Variants in ANKRD55 observed in about 807,000 individuals in gnomAD.
ANKRD55 encodes the protein ankyrin repeat domain-containing protein 55.
ANKRD55 carries 41 observed loss-of-function variants against 60.6 expected under a neutral mutation model. The observed-to-expected ratio is 0.68, with a 90% confidence interval of 0.53 to 0.88. ANKRD55 has a LOEUF of 0.88. ANKRD55 is among the 40% of genes least tolerant of loss of function. The pLI is 0.00. For missense variants in ANKRD55, 732 were observed against 767.6 expected, an observed-to-expected ratio of 0.95 and a Z score of 0.55; for synonymous variants, 264 against 290.3, an observed-to-expected ratio of 0.91 and a Z score of 0.92.
chr5:56,178,601 A>G (rs1758788377), intron 3 of ANKRD55, among the ~76,000 whole-genome samples: 1 of 152,174 alleles, frequency 6.6e-6, no homozygotes, highest in South Asian at 2.1e-4. Flanking sequence ...TAGGAAAAGT[A>G]ACAAAAAACA....
chr5:56,186,137 C>T (rs1758968306), intron 2 of ANKRD55, among the ~76,000 whole-genome samples: 1 of 152,020 alleles, frequency 6.6e-6, no homozygotes. Flanking sequence ...TGGACCGTCC[C>T]CTCTCCAGGC....
chr5:56,165,848 G>C (rs1444128563), intron 5 of ANKRD55, among the ~76,000 whole-genome samples: 1 of 152,140 alleles, frequency 6.6e-6, no homozygotes, highest in Non-Finnish European at 1.5e-5. Context: ...AGAATTGCTT[G>C]AACCCAGGAG....
chr5:56,166,158 T>TTTCTTTCTTTCTTTCTTCTTTCC (rs1554040812), intron 5 of ANKRD55, among the ~76,000 whole-genome samples: 45 of 72,216 alleles, frequency 6.2e-4, no homozygotes, highest in East Asian at 3.2e-3. Context: ...TTCTTTCTTC[T>TTTCTTTCTTTCTTTCTTCTTTCC]TTCCTTCCTT....
chr5:56,181,635 G>A (rs1294933392), intron 3 of ANKRD55, among the ~76,000 whole-genome samples: 2 of 152,170 alleles, frequency 1.3e-5, no homozygotes, highest in African/African-American at 4.8e-5. Context: ...CTGTCACCCA[G>A]GCTGAAGTGC....
intron 6 of ANKRD55, among the ~76,000 whole-genome samples, chr5:56,144,900 A>C (rs1278512788): frequency 6.6e-6 from 1 of 152,174 alleles, no homozygotes; most frequent in Admixed American, 6.5e-5. Flanking sequence ...AATTCCATGA[A>C]ATGTATCTAG....
At chr5:56,188,369 CA>C (rs58369527) in intron 2 of ANKRD55, among the ~76,000 whole-genome samples, 41 of 148,584 alleles carry the variant, frequency 2.8e-4, no homozygotes, top group African/African-American at 1.0e-3. Flanking sequence ...CCCCTACAAC[CA>C]AAAAAAAAGA....
At chr5:56,207,599 A>G (rs1355261678) in intron 2 of ANKRD55, among the ~76,000 whole-genome samples, 2 of 152,240 alleles carry the variant, frequency 1.3e-5, no homozygotes, top group African/African-American at 4.8e-5. Flanking sequence ...ACAGCATGTT[A>G]CTGTACTGAA....
rs564090416 is a variant in ANKRD55, at chr5:56,170,721, T to C, written c.395A>G (p.His132Arg). 4 of 1,614,194 alleles carry C rather than the reference T, an allele frequency of 2.5e-6. No individual in the cohort carries two copies. Among genetic ancestry groups the C allele is most frequent in the Admixed American group, 1.7e-5 (1 of 60,018 alleles). Residue 132 changes from histidine to arginine, a missense_variant, in exon 5 of 12, where the codon CAT becomes CGT. By Grantham distance (29) the His-to-Arg change is conservative. Transcript: ENST00000341048. The stretch of plus-strand genomic sequence containing the variant: ...CATATCGGGCTCAGCAGTGGCAGCA[T>C]GCAGTGGCAGGCGGCCATTTTTATC... ...IPDKNGRLPL[H>R]AATAEPDMRL...
intron 7 of ANKRD55, among the ~76,000 whole-genome samples, chr5:56,143,088 G>A (rs2111758661): frequency 6.6e-6 from 1 of 152,318 alleles, no homozygotes; most frequent in Non-Finnish European, 1.5e-5. Context: ...TCAGACAGGT[G>A]CCCTTTCTGG....
intron 2 of ANKRD55, chr5:56,193,152 T>C (rs1759142043): frequency 4.3e-6 from 3 of 689,912 alleles, no homozygotes; most frequent in Non-Finnish European, 7.2e-6. Flanking sequence ...AAGCCCTTTG[T>C]AAAACAGGGC....
intron 2 of ANKRD55, among the ~76,000 whole-genome samples, chr5:56,228,079 T>A (rs567359389): frequency 5.3e-5 from 8 of 152,302 alleles, no homozygotes; most frequent in African/African-American, 1.9e-4. Flanking sequence ...ATGGGTTGAA[T>A]GGTGGCCCTA....
At chr5:56,152,504 C>A (rs1388982311) in intron 6 of ANKRD55, among the ~76,000 whole-genome samples, 2 of 152,206 alleles carry the variant, frequency 1.3e-5, no homozygotes, top group African/African-American at 4.8e-5. Flanking sequence ...CAGATGCCAA[C>A]AGCTCAGAGC....
chr5:56,105,972 CAATG>C (rs1756451751), intron 10 of ANKRD55, among the ~76,000 whole-genome samples: 1 of 152,222 alleles, frequency 6.6e-6, no homozygotes, highest in South Asian at 2.1e-4. Context: ...AAGCTGCCTG[CAATG>C]AATTAAGCTG....
At chr5:56,166,718 T>A (rs1758493738) in intron 5 of ANKRD55, among the ~76,000 whole-genome samples, 1 of 152,196 alleles carries the variant, frequency 6.6e-6, no homozygotes, top group Non-Finnish European at 1.5e-5. Flanking sequence ...AGTTTTGAAT[T>A]TTCTAAATAT....
chr5:56,207,702 G>A (rs1157075049), intron 2 of ANKRD55, among the ~76,000 whole-genome samples: 3 of 152,210 alleles, frequency 2.0e-5, no homozygotes, highest in African/African-American at 7.2e-5. Context: ...TGCTACACTA[G>A]TGTAGGGCAC....
At chr5:56,134,316 G>A (rs1757497181) in intron 7 of ANKRD55, among the ~76,000 whole-genome samples, 1 of 115,310 alleles carries the variant, frequency 8.7e-6, no homozygotes, top group African/African-American at 2.8e-5. Context: ...GGTGGCTTAC[G>A]CCTGTTATCC....
intron 6 of ANKRD55, among the ~76,000 whole-genome samples, chr5:56,149,843 C>CTTT (rs763644589): frequency 2.1e-5 from 3 of 140,372 alleles, no homozygotes; most frequent in Non-Finnish European, 3.1e-5. Context: ...TCACTAACTT[C>CTTT]TTTTTTTTTT....
intron 6 of ANKRD55, among the ~76,000 whole-genome samples, chr5:56,153,466 C>T (rs531868218): frequency 6.6e-6 from 1 of 152,134 alleles, no homozygotes; most frequent in Non-Finnish European, 1.5e-5. Flanking sequence ...ATTGAGACAA[C>T]CTAAATATCC....
intron 7 of ANKRD55, among the ~76,000 whole-genome samples, chr5:56,138,890 G>A (rs1426710534): frequency 6.6e-6 from 1 of 152,164 alleles, no homozygotes; most frequent in Admixed American, 6.5e-5. Flanking sequence ...TATTCCGCAT[G>A]ATACTTTAAT....
Sources: allele counts gnomAD v4.1 joint callset (sites outside exome capture counted in the v4.1 genomes callset), GRCh38; gene constraint gnomAD v4.1.1; transcripts MANE v1.5; gene names NCBI Gene and HGNC (gene_info 2026-07-23, HGNC 2026-07-21).